LUZP1: variants seen among roughly 807,000 people sequenced by gnomAD.
LUZP1 encodes the protein filamin mechanobinding actin cross-linking protein.
Under a neutral mutation model 71.3 loss-of-function variants are expected in LUZP1, and 25 were observed. The observed-to-expected ratio is 0.35, with a 90% CI of 0.26 to 0.49. The LOEUF (loss-of-function observed/expected upper bound fraction) is 0.49. Among genes scored for constraint, LUZP1 ranks in the 20% least tolerant of loss-of-function variants. LUZP1 has a pLI of 0.99. For missense variants in LUZP1, 1,142 were observed against 1,300.8 expected (o/e 0.88, Z 1.88); for synonymous variants, 481 against 506.4 (o/e 0.95, Z 0.67).
intron 4 of LUZP1, chr1:23,090,639 T>C (rs944447493): frequency 3.6e-6 from 2 of 562,452 alleles, no homozygotes; most frequent in African/African-American, 1.9e-5. Context: ...CAAAAGAAAG[T>C]GTCACTTGGA....
chr1:23,104,058 C>G (rs1034240258), intron 3 of LUZP1, among the ~76,000 whole-genome samples: 1 of 151,924 alleles, frequency 6.6e-6, no homozygotes, highest in Non-Finnish European at 1.5e-5. Context: ...GTTTGAGGCC[C>G]CTGAAATGTC....
intron 2 of LUZP1, among the ~76,000 whole-genome samples, chr1:23,163,309 G>A (rs2148209702): frequency 6.6e-6 from 1 of 151,154 alleles, no homozygotes; most frequent in Admixed American, 6.6e-5. Context: ...CACTCTGGGA[G>A]GCCAAGGTGG....
intron 2 of LUZP1, among the ~76,000 whole-genome samples, chr1:23,164,351 C>T (rs569045631): frequency 1.8e-4 from 27 of 152,020 alleles, no homozygotes; most frequent in African/African-American, 6.3e-4. Context: ...AAAAATTAGC[C>T]GGGCATGGTG....
chr1:23,084,928 CAT>C (rs1228040392), exon 5 of LUZP1: 2 of 152,634 alleles, frequency 1.3e-5, no homozygotes, highest in East Asian at 3.8e-4. Flanking sequence ...ACAGGGATGA[CAT>C]TGACAAAACT....
intron 2 of LUZP1, among the ~76,000 whole-genome samples, chr1:23,137,100 A>T (rs1296713065): frequency 6.6e-6 from 1 of 152,226 alleles, no homozygotes; most frequent in Non-Finnish European, 1.5e-5. Context: ...TGGCATGGGC[A>T]ATGAACTCTA....
intron 2 of LUZP1, among the ~76,000 whole-genome samples, chr1:23,149,025 G>A (rs1369839086): frequency 2.2e-5 from 3 of 133,866 alleles, no homozygotes; most frequent in South Asian, 5.2e-4. Context: ...AGGCTGCAGT[G>A]AGCCATGATG....
intron 2 of LUZP1, among the ~76,000 whole-genome samples, chr1:23,150,487 G>GA (rs1037084169): frequency 4.6e-5 from 7 of 151,844 alleles, no homozygotes; most frequent in African/African-American, 9.7e-5. Context: ...AATATTGGAA[G>GA]AAAAAAAATT....
intron 4 of LUZP1, among the ~76,000 whole-genome samples, chr1:23,089,782 C>T (rs1365876406): frequency 4.7e-5 from 7 of 148,536 alleles, no homozygotes; most frequent in Admixed American, 2.7e-4. Context: ...TTTTTTGAGA[C>T]GTCATTTCAC....
At chr1:23,137,167 G>A (rs1008685709) in intron 2 of LUZP1, among the ~76,000 whole-genome samples, 1 of 152,142 alleles carries the variant, frequency 6.6e-6, no homozygotes, top group African/African-American at 2.4e-5. Flanking sequence ...TATCCAGTAA[G>A]AGACGAGTAT....
intron 2 of LUZP1, among the ~76,000 whole-genome samples, chr1:23,126,135 G>C (rs932615410): frequency 1.3e-5 from 2 of 152,096 alleles, no homozygotes; most frequent in Non-Finnish European, 2.9e-5. Context: ...TTCTGGAATG[G>C]TATAACCCAC....
At chr1:23,156,006 A>G (rs1284749299) in intron 2 of LUZP1, among the ~76,000 whole-genome samples, 2 of 152,248 alleles carry the variant, frequency 1.3e-5, no homozygotes, top group Non-Finnish European at 2.9e-5. Flanking sequence ...ATTTATGTTT[A>G]GAAACAGAAA....
At position 23,094,586 on chromosome 1, in the gene LUZP1, A is replaced by C. The variant is rs1042123544; in HGVS notation, c.-119-206T>G. On this transcript the variant is annotated intron_variant, in intron 3 of 4. Coordinates refer to ENST00000302291, the Ensembl canonical transcript of LUZP1. This position sits in a 1 kb window ranked among gnomAD's most constrained non-coding sequence, Gnocchi z 4.7. ...TGAGTTGATACCTCATTTCGCCCTA[A>C]TAAAGAATGTCACCAGTGGCAGCAT... 3.3e-5 allele frequency among the ~76,000 whole-genome samples: 5 copies of C among 152,226 alleles called. No individual in the cohort carries two copies. The highest frequency in any genetic ancestry group is 1.3e-4 in the Admixed American group (2 of 15,284).
At chr1:23,105,959 C>T (rs1239072036) in intron 3 of LUZP1, among the ~76,000 whole-genome samples, 4 of 152,032 alleles carry the variant, frequency 2.6e-5, no homozygotes, top group East Asian at 1.9e-4. Context: ...AATCCTCCAG[C>T]GACCTAGGAA....
rs756166621 is a variant in LUZP1 at position 23,094,185 on chromosome 1, C to T, written c.77G>A (p.Arg26His). ...TGTGGCTTCCTCCAACTCATCAAGG[C>T]GGCGGCTTAGACTCTGTAGCTTAAA... The change falls in exon 4 of 5, where the codon CGC becomes CAC. Residue 26 changes from arginine (R) to histidine (H), a missense_variant. Arg to His is a conservative substitution (Grantham distance 29, BLOSUM62 0). Transcript: ENST00000302291. This position sits in a 1 kb window ranked among gnomAD's most constrained non-coding sequence, Gnocchi z 4.7. 8.7e-6 allele frequency: 14 copies of T among 1,614,140 alleles called. No individual in the cohort carries two copies. Among genetic ancestry groups the T allele is most frequent in the Middle Eastern group, 3.3e-4 (2 of 6,062 alleles).
At chr1:23,160,273 A>G (rs889159906) in intron 2 of LUZP1, among the ~76,000 whole-genome samples, 1 of 152,248 alleles carries the variant, frequency 6.6e-6, no homozygotes, top group Non-Finnish European at 1.5e-5. Context: ...AGCAGCTTTA[A>G]GCAGATTTAA....
chr1:23,118,797 AT>A, intron 2 of LUZP1, among the ~76,000 whole-genome samples: 1 of 152,212 alleles, frequency 6.6e-6, no homozygotes, highest in East Asian at 1.9e-4. Flanking sequence ...TGATTCCCTG[AT>A]TTTTGCAAGG....
intron 2 of LUZP1, among the ~76,000 whole-genome samples, chr1:23,139,878 AG>A (rs1644289166): frequency 6.6e-6 from 1 of 151,748 alleles, no homozygotes; most frequent in Non-Finnish European, 1.5e-5. Context: ...TGAGCCTGGG[AG>A]GCTGAGACTG....
chr1:23,121,117 A>T (rs12563566), intron 2 of LUZP1, among the ~76,000 whole-genome samples: 26,250 of 152,182 alleles, frequency 0.17, 2,330 homozygotes, highest in East Asian at 0.27. Flanking sequence ...TATCTTTATA[A>T]ACAAAGCTAA....
chr1:23,086,360 A>G (rs1294903068), exon 5 of LUZP1: 1 of 152,684 alleles, frequency 6.5e-6, no homozygotes, highest in Non-Finnish European at 1.5e-5. Context: ...AACTGTTACA[A>G]GCAAATCCTA....
Sources: gnomAD v4.1 joint callset for allele counts (sites outside exome capture counted in the v4.1 genomes callset) on GRCh38, gnomAD v4.1.1 for gene constraint, Gnocchi (gnomAD v3.1) non-coding constraint, MANE v1.5 for transcripts, NCBI Gene and HGNC (gene_info 2026-07-23, HGNC 2026-07-21) for gene names.